CCDC92: variants seen among roughly 807,000 people sequenced by gnomAD.
CCDC92 encodes the protein coiled-coil domain-containing protein 92.
CCDC92 carries 12 observed loss-of-function variants against 24.9 expected under a neutral mutation model. The ratio of observed to expected loss-of-function variants is 0.48; its 90% CI spans 0.31 to 0.78. CCDC92 has a LOEUF of 0.78. CCDC92 is among the 30% of genes least tolerant of loss of function. The probability of loss-of-function intolerance (pLI) is 0.05; values close to 1 mark genes in which losing one functional copy is unlikely to be tolerated. For synonymous variants in CCDC92, 193 were observed against 196.3 expected (o/e 0.98, Z 0.14); for missense variants, 399 against 439.4 (o/e 0.91, Z 0.82).
rs111505222 is a variant in CCDC92 at position 123,951,042 on chromosome 12, G to A, written c.-59-6678C>T. ...GGCATGGCCCAGACCCCTCCAACAC[G>A]GGGCCTTTGCACACCTTGTTCCCTC... On this transcript the variant is annotated intron_variant, in intron 1 of 4. Transcript: ENST00000238156. Among the ~76,000 whole-genome samples, 96 of 152,198 alleles carry A rather than the reference G, an allele frequency of 6.3e-4. 1 individual carries two copies. The highest frequency in any genetic ancestry group is 2.2e-3 in the African/African-American group (90 of 41,528).
Position 123,936,714 on chromosome 12 carries a change from T to G in CCDC92, c.*344A>C. The stretch of plus-strand genomic sequence containing the variant: ...AAGGTTGGTATGTGTTGCTCCGACT[T>G]GAGAATGAATTAGGTGTGTGACTGT... On this transcript the variant is annotated 3_prime_UTR_variant, in exon 5 of 5. Coordinates refer to ENST00000238156, the MANE Select transcript of CCDC92 (RefSeq NM_025140.3). 1 of 366,158 alleles carries G rather than the reference T, an allele frequency of 2.7e-6. No homozygotes were observed. Among genetic ancestry groups the G allele is most frequent in the Non-Finnish European group, 5.0e-6 (1 of 201,000 alleles). 22.7% of individuals were successfully genotyped at this position (366,158 alleles called of 1,614,324 possible).
At chr12:123,963,175 G>T (rs941772278) in intron 1 of CCDC92, among the ~76,000 whole-genome samples, 1 of 152,220 alleles carries the variant, frequency 6.6e-6, no homozygotes, top group Non-Finnish European at 1.5e-5. Flanking sequence ...GGCCCCAAAG[G>T]TCAAGAGAGT....
chr12:123,940,182 T>G (rs1955641523), intron 4 of CCDC92, among the ~76,000 whole-genome samples: 1 of 152,214 alleles, frequency 6.6e-6, no homozygotes, highest in African/African-American at 2.4e-5. Context: ...GTGGTCGGAC[T>G]GGGGACTTGG....
chr12:123,938,249 T>C (rs536458677), intron 4 of CCDC92, among the ~76,000 whole-genome samples: 19 of 152,334 alleles, frequency 1.2e-4, no homozygotes, highest in African/African-American at 4.3e-4. Context: ...TCCATGTCTA[T>C]TGAATTAAAA....
Position 123,942,759 on chromosome 12 carries a change from T to C in CCDC92, c.208A>G (p.Ser70Gly). 1 of 1,607,194 alleles carries C rather than the reference T, an allele frequency of 6.2e-7. No homozygotes were observed. Among genetic ancestry groups the C allele is most frequent in the South Asian group, 1.1e-5 (1 of 90,982 alleles). ...TDLTYELTVK[S>G]SEQTGDGTSK... The stretch of plus-strand genomic sequence containing the variant: ...GAGTTCTTACCTGTCTGTTCCGAAC[T>C]TTTGACTGTCAGCTCATATGTTAAA... The change falls in exon 4 of 5, where the codon AGT (serine) becomes GGT (glycine). Residue 70 changes from serine to glycine, a missense_variant. Coordinates refer to ENST00000238156, the MANE Select transcript of CCDC92 (RefSeq NM_025140.3).
intron 1 of CCDC92, among the ~76,000 whole-genome samples, chr12:123,947,013 C>T (rs992128021): frequency 3.5e-4 from 54 of 152,230 alleles, no homozygotes; most frequent in African/African-American, 1.3e-3. Flanking sequence ...TCTGGGTGGG[C>T]GTGGGCTTGG....
At chr12:123,969,872 T>C (rs1220414903) in intron 1 of CCDC92, 1 of 152,178 alleles carries the variant, frequency 6.6e-6, no homozygotes, top group African/African-American at 2.4e-5. Context: ...AAAAGTCTTT[T>C]CTGCTTGCCT....
rs1462371900 is a variant in CCDC92 at position 123,936,940 on chromosome 12, T to C, written c.*118A>G. 3 of 1,098,806 alleles carry C rather than the reference T, an allele frequency of 2.7e-6. No individual in the cohort carries two copies. In the South Asian group the frequency reaches 4.5e-5, roughly 16 times the overall value. 68.1% of individuals were successfully genotyped at this position (1,098,806 alleles called of 1,614,324 possible). ...GAGGGCAAGAGAAGCAGAAGGAGAA[T>C]GGGTCGGTAGGTGTGAAAAGTGTTT... On this transcript the variant is annotated 3_prime_UTR_variant, in exon 5 of 5. Transcript: ENST00000238156.
intron 2 of CCDC92, 62 bp downstream of exon 2, chr12:123,944,210 G>T: frequency 9.4e-7 from 1 of 1,062,486 alleles, no homozygotes; most frequent in Non-Finnish European, 1.5e-6. Context: ...TGTCCCCAAT[G>T]CTTGGCCCCT....
chr12:123,946,560 G>A (rs1005262142), intron 1 of CCDC92: 1 of 152,498 alleles, frequency 6.6e-6, no homozygotes, highest in Non-Finnish European at 1.5e-5. Flanking sequence ...GGGTCTGTAA[G>A]TGTGGGTCTG....
intron 1 of CCDC92, among the ~76,000 whole-genome samples, chr12:123,949,729 G>C (rs1289168924): frequency 6.6e-6 from 1 of 152,206 alleles, no homozygotes; most frequent in Non-Finnish European, 1.5e-5. Flanking sequence ...ACTCAAAAAA[G>C]GCTTTTCATT....
At chr12:123,963,881 T>C (rs1355548117) in intron 1 of CCDC92, among the ~76,000 whole-genome samples, 2 of 152,248 alleles carry the variant, frequency 1.3e-5, no homozygotes, top group African/African-American at 4.8e-5. Flanking sequence ...GAGCTTTGTT[T>C]TTAAGGACTT....
intron 1 of CCDC92, among the ~76,000 whole-genome samples, chr12:123,954,969 T>C (rs570010976): frequency 6.6e-6 from 1 of 152,328 alleles, no homozygotes; most frequent in East Asian, 1.9e-4. Context: ...CAGGGAGAAG[T>C]TGCTTCTGGG....
intron 2 of CCDC92, 180 bp downstream of exon 2, chr12:123,944,092 A>G (rs575286077): frequency 1.9e-6 from 1 of 528,324 alleles, no homozygotes; most frequent in South Asian, 2.8e-5. Context: ...TGAATTCCAG[A>G]GGGAAGCCCC....
chr12:123,943,309 G>A (rs1955744835), intron 3 of CCDC92, 38 bp downstream of exon 3: 1 of 1,601,718 alleles, frequency 6.2e-7, no homozygotes, highest in Non-Finnish European at 8.5e-7. Context: ...GTGCCCCATA[G>A]CCGCCCCCCG....
intron 1 of CCDC92, among the ~76,000 whole-genome samples, chr12:123,967,481 G>C (rs1355037260): frequency 3.3e-5 from 5 of 152,218 alleles, no homozygotes; most frequent in African/African-American, 1.2e-4. Flanking sequence ...AGAAACACTA[G>C]CAGTGCCTTT....
intron 1 of CCDC92, among the ~76,000 whole-genome samples, chr12:123,969,510 C>T (rs1377580984): frequency 1.6e-5 from 2 of 126,278 alleles, no homozygotes; most frequent in African/African-American, 6.1e-5. Flanking sequence ...CCATCTGTTG[C>T]CAGGCTGGAG....
At chr12:123,940,234 T>G (rs1411509166) in intron 4 of CCDC92, among the ~76,000 whole-genome samples, 1 of 152,154 alleles carries the variant, frequency 6.6e-6, no homozygotes, top group South Asian at 2.1e-4. Context: ...GGTTCAGAGA[T>G]GTCAAAGAAC....
rs765861088 is a variant in CCDC92, at chr12:123,937,855, G to A, written c.224-25C>T. 1.3e-6 allele frequency: 2 copies of A among 1,580,058 alleles called. No homozygotes were observed. The highest frequency in any genetic ancestry group is 1.7e-5 in the Admixed American group (1 of 57,758). ...CCTACAAGAATAAGCCGAGGAAGCA[G>A]GTGAAGAACTCATTAGACTGAGGCC... On this transcript the variant is annotated intron_variant, in intron 4 of 4. Coordinates refer to ENST00000238156, the MANE Select transcript of CCDC92 (RefSeq NM_025140.3). This position sits in a 1 kb window ranked among gnomAD's most constrained non-coding sequence, Gnocchi z 8.4.
Sources: allele counts gnomAD v4.1 joint callset (sites outside exome capture counted in the v4.1 genomes callset), GRCh38; gene constraint gnomAD v4.1.1; non-coding constraint Gnocchi (gnomAD v3.1); transcripts MANE v1.5; gene names NCBI Gene and HGNC (gene_info 2026-07-23, HGNC 2026-07-21).